LINGO2: variants seen among roughly 807,000 people sequenced by gnomAD.
LINGO2 encodes the protein leucine rich repeat and Ig domain containing 2.
Under a neutral mutation model 30.6 loss-of-function variants are expected in LINGO2, and 14 were observed. The ratio of observed to expected loss-of-function variants is 0.46; its 90% CI spans 0.30 to 0.72. The LOEUF (loss-of-function observed/expected upper bound fraction) is 0.72. Ranked by LOEUF, LINGO2 falls within the 30% of genes least tolerant of loss-of-function variation. The probability of loss-of-function intolerance (pLI) is 0.07; values close to 1 mark genes in which losing one functional copy is unlikely to be tolerated. For missense variants in LINGO2, 729 were observed against 751.7 expected, an observed-to-expected ratio of 0.97 and a Z score of 0.35; for synonymous variants, 317 against 288.5, an observed-to-expected ratio of 1.10 and a Z score of -1.00.
At chr9:29,145,312 T>G in the LINGO2 span, among the ~76,000 whole-genome samples, 1 of 152,186 alleles carries the variant, frequency 6.6e-6, no homozygotes, top group East Asian at 1.9e-4. Context: ...TTACTAGAGA[T>G]AGTTTGTTTT....
the LINGO2 span, among the ~76,000 whole-genome samples, chr9:29,201,393 A>T: frequency 2.6e-5 from 4 of 152,016 alleles, no homozygotes; most frequent in Non-Finnish European, 5.9e-5. Context: ...ATTTGAAGAG[A>T]TGGTAAAAAT....
At chr9:27,964,782 C>T (rs570616403) in intron 5 of LINGO2, among the ~76,000 whole-genome samples, 5 of 152,224 alleles carry the variant, frequency 3.3e-5, no homozygotes, top group South Asian at 2.1e-4. Flanking sequence ...AGCTATCCTG[C>T]ATGTAGTTTC....
At chr9:27,983,382 A>T (rs1440139252) in intron 5 of LINGO2, among the ~76,000 whole-genome samples, 1 of 151,858 alleles carries the variant, frequency 6.6e-6, no homozygotes, top group African/African-American at 2.4e-5. Context: ...AGGCACAGTG[A>T]GGAAGTGAGA....
At chr9:28,373,125 T>C (rs1820969787) in intron 2 of LINGO2, among the ~76,000 whole-genome samples, 1 of 152,194 alleles carries the variant, frequency 6.6e-6, no homozygotes, top group Non-Finnish European at 1.5e-5. Context: ...ATAGAAATTA[T>C]GAATGACAAT....
At chr9:28,231,896 T>TTA (rs199522431) in intron 4 of LINGO2, among the ~76,000 whole-genome samples, 2,382 of 151,888 alleles carry the variant, frequency 0.016, 62 homozygotes, top group African/African-American at 0.053. Context: ...TTCCTATGCT[T>TTA]TATATATATA....
rs1563900116 is a variant in LINGO2 at position 28,661,743 on chromosome 9, G to C, written c.-365+8457C>G. 2.0e-5 allele frequency among the ~76,000 whole-genome samples: 3 copies of C among 152,136 alleles called. No individual in the cohort carries two copies. In the East Asian group the frequency reaches 5.8e-4, roughly 29 times the overall value. On this transcript the variant is annotated intron_variant, in intron 1 of 5. Coordinates refer to ENST00000379992, the Ensembl canonical transcript of LINGO2. ...AAGTTACATTTTTAAAAAGCCAATG[G>C]GATAGAGTTTCTTAAGGATAAAACA...
At chr9:29,208,479 T>A in the LINGO2 span, among the ~76,000 whole-genome samples, 3 of 152,072 alleles carry the variant, frequency 2.0e-5, no homozygotes, top group Non-Finnish European at 4.4e-5. Context: ...ATATAAATAT[T>A]AATTTAAATT....
At chr9:28,739,378 G>T in the LINGO2 span, among the ~76,000 whole-genome samples, 1 of 151,692 alleles carries the variant, frequency 6.6e-6, no homozygotes, top group Non-Finnish European at 1.5e-5. Flanking sequence ...TTGTCTAATG[G>T]AAACACAAGA....
intron 3 of LINGO2, among the ~76,000 whole-genome samples, chr9:28,333,591 G>T (rs1825494951): frequency 6.6e-6 from 1 of 152,194 alleles, no homozygotes; most frequent in Non-Finnish European, 1.5e-5. Flanking sequence ...AATGTACATT[G>T]TTATTCAGGA....
chr9:28,414,096 T>A (rs1236473894), intron 2 of LINGO2, among the ~76,000 whole-genome samples: 1 of 151,994 alleles, frequency 6.6e-6, no homozygotes, highest in African/African-American at 2.4e-5. Context: ...GACAAGTAAG[T>A]GAAAGAGACA....
intron 1 of LINGO2, among the ~76,000 whole-genome samples, chr9:28,494,349 T>C (rs1485203373): frequency 6.6e-6 from 1 of 152,126 alleles, no homozygotes; most frequent in Admixed American, 6.5e-5. Context: ...GCGTATCTCC[T>C]AATGTTATCC....
At chr9:28,344,422 C>A (rs1484233875) in intron 3 of LINGO2, among the ~76,000 whole-genome samples, 1 of 151,912 alleles carries the variant, frequency 6.6e-6, no homozygotes, top group Non-Finnish European at 1.5e-5. Flanking sequence ...AACAGTAAAA[C>A]AGTAACTGTA....
At chr9:28,417,633 C>T (rs895016229) in intron 2 of LINGO2, among the ~76,000 whole-genome samples, 7 of 152,144 alleles carry the variant, frequency 4.6e-5, no homozygotes, top group African/African-American at 1.7e-4. Context: ...CTCTCACAAT[C>T]CTTCTCAAAT....
At chr9:28,037,287 G>T (rs754420678) in intron 4 of LINGO2, among the ~76,000 whole-genome samples, 9 of 152,100 alleles carry the variant, frequency 5.9e-5, no homozygotes, top group African/African-American at 9.7e-5. Context: ...TTACCAGGGC[G>T]CACTAAGTTG....
At chr9:28,480,960 C>G in intron 1 of LINGO2, among the ~76,000 whole-genome samples, 1 of 152,144 alleles carries the variant, frequency 6.6e-6, no homozygotes, top group East Asian at 1.9e-4. Flanking sequence ...GTCCTGCCTC[C>G]TTTTCATACA....
At chr9:28,142,871 G>A (rs1198966968) in intron 4 of LINGO2, among the ~76,000 whole-genome samples, 1 of 152,082 alleles carries the variant, frequency 6.6e-6, no homozygotes, top group African/African-American at 2.4e-5. Context: ...TCCCTAGCTG[G>A]AGTGGGTATA....
chr9:28,086,213 A>G (rs1279414127), intron 4 of LINGO2, among the ~76,000 whole-genome samples: 1 of 152,076 alleles, frequency 6.6e-6, no homozygotes, highest in South Asian at 2.1e-4. Flanking sequence ...CTATAAAAAA[A>G]TCCACACGTC....
chr9:28,260,916 C>T (rs1448708109), intron 4 of LINGO2, among the ~76,000 whole-genome samples: 2 of 152,042 alleles, frequency 1.3e-5, no homozygotes, highest in East Asian at 1.9e-4. Flanking sequence ...AATTTAGTAA[C>T]CTGCTGTGGC....
At chr9:28,065,272 G>T (rs1825278650) in intron 4 of LINGO2, among the ~76,000 whole-genome samples, 1 of 151,776 alleles carries the variant, frequency 6.6e-6, no homozygotes, top group Non-Finnish European at 1.5e-5. Flanking sequence ...TTCTAATGAG[G>T]TTTGTATTTG....
Sources: allele counts gnomAD v4.1 joint callset (sites outside exome capture counted in the v4.1 genomes callset), GRCh38; gene constraint gnomAD v4.1.1; transcripts MANE v1.5; gene names NCBI Gene and HGNC (gene_info 2026-07-23, HGNC 2026-07-21).